ADGRG7: variants seen among roughly 807,000 people sequenced by gnomAD.
ADGRG7 encodes G-protein coupled receptor 128.
In ADGRG7, 82 loss-of-function variants were observed where a neutral mutation model predicts 88.6. The observed-to-expected ratio is 0.93, with a 90% CI of 0.77 to 1.11. ADGRG7 has a LOEUF of 1.11. ADGRG7 is among the 50% of genes most tolerant of loss of function. The pLI, the probability that ADGRG7 is intolerant of heterozygous loss-of-function variation, is 0.00. For synonymous variants in ADGRG7, 381 were observed against 345.2 expected (o/e 1.10, Z -1.15); for missense variants, 945 against 953.4 (o/e 0.99, Z 0.12).
intron 15 of ADGRG7, among the ~76,000 whole-genome samples, chr3:100,681,391 AC>A (rs2094973179): frequency 6.6e-6 from 1 of 151,376 alleles, no homozygotes; most frequent in African/African-American, 2.4e-5. Context: ...GCTCACTGCA[AC>A]CTCCGCTTCC....
intron 13 of ADGRG7, among the ~76,000 whole-genome samples, chr3:100,659,314 C>T (rs1490360552): frequency 6.6e-6 from 1 of 151,252 alleles, no homozygotes; most frequent in Non-Finnish European, 1.5e-5. Context: ...GTGGCGGGTG[C>T]CTGTAGTCCC....
chr3:100,633,746 T>A (rs1707490458), intron 4 of ADGRG7, among the ~76,000 whole-genome samples: 1 of 152,132 alleles, frequency 6.6e-6, no homozygotes, highest in Non-Finnish European at 1.5e-5. Context: ...GGTCTCGAAC[T>A]CCTGACCACA....
At chr3:100,689,304 A>ACACTGATGGG in intron 15 of ADGRG7, among the ~76,000 whole-genome samples, 1 of 152,316 alleles carries the variant, frequency 6.6e-6, no homozygotes, top group African/African-American at 2.4e-5. Context: ...TGAATACAGC[A>ACACTGATGGG]CACTGATGGG....
intron 1 of ADGRG7, among the ~76,000 whole-genome samples, chr3:100,627,761 T>TCCC (rs140119739): frequency 1.4e-3 from 212 of 152,248 alleles, no homozygotes; most frequent in Non-Finnish European, 2.4e-3. Context: ...ATGCATGGTT[T>TCCC]TTCTTGCATT....
At chr3:100,628,239 C>T (rs532386842) in intron 1 of ADGRG7, among the ~76,000 whole-genome samples, 38 of 152,160 alleles carry the variant, frequency 2.5e-4, no homozygotes, top group African/African-American at 9.2e-4. Context: ...TTTTTCATTG[C>T]TGTCCAATGC....
intron 5 of ADGRG7, among the ~76,000 whole-genome samples, chr3:100,636,590 C>T (rs1707545667): frequency 6.6e-6 from 1 of 151,990 alleles, no homozygotes; most frequent in African/African-American, 2.4e-5. Flanking sequence ...TGAATATCAG[C>T]ATGCCCTGAA....
chr3:100,646,227 G>GC, intron 9 of ADGRG7, 119 bp downstream of exon 9: 1 of 320,466 alleles, frequency 3.1e-6, no homozygotes, highest in Non-Finnish European at 6.2e-6. Context: ...CGGGGGGGAG[G>GC]GTTTTCCATG....
At chr3:100,642,936 T>C (rs951210259) in intron 6 of ADGRG7, among the ~76,000 whole-genome samples, 1 of 152,236 alleles carries the variant, frequency 6.6e-6, no homozygotes, top group Non-Finnish European at 1.5e-5. Flanking sequence ...GCCTTGCCAA[T>C]GGTGGGTGGC....
intron 14 of ADGRG7, among the ~76,000 whole-genome samples, chr3:100,664,325 G>A (rs556952085): frequency 3.3e-5 from 5 of 151,986 alleles, no homozygotes; most frequent in Admixed American, 6.6e-5. Context: ...TAACCTAGAC[G>A]CAAAACTGTT....
At chr3:100,678,338 T>C (rs1291219040) in intron 15 of ADGRG7, among the ~76,000 whole-genome samples, 1 of 152,166 alleles carries the variant, frequency 6.6e-6, no homozygotes, top group African/African-American at 2.4e-5. Flanking sequence ...ATCTCTGTGT[T>C]ATCTTGAATT....
chr3:100,618,720 T>C (rs550729205), intron 1 of ADGRG7, among the ~76,000 whole-genome samples: 1 of 152,188 alleles, frequency 6.6e-6, no homozygotes, highest in East Asian at 1.9e-4. Flanking sequence ...TGGTTCCGTA[T>C]GAACTTTAAA....
chr3:100,685,317 G>A (rs1391523186), intron 15 of ADGRG7, among the ~76,000 whole-genome samples: 1 of 152,066 alleles, frequency 6.6e-6, no homozygotes, highest in Admixed American at 6.5e-5. Context: ...TTTATGTTGT[G>A]AAAATAAAGC....
In ADGRG7 at chr3:100,669,074, G is replaced by A. The variant is rs751160198; in HGVS notation, c.2105G>A (p.Ser702Asn). The change falls in exon 15 of 16, where the codon AGC (serine) becomes AAC (asparagine). Residue 702 changes from serine (S) to asparagine (N), a missense_variant. Physicochemically the swap from Ser to Asn is conservative, Grantham distance 46. Transcript: ENST00000273352. ...VNDDSIRIVF[S>N]YIFCLFNTTQ... ...GATGATAGCATCAGGATCGTCTTCA[G>A]CTACATATTCTGCCTTTTCAACACT... 9 of 1,594,806 alleles carry A rather than the reference G, an allele frequency of 5.6e-6. No individual in the cohort carries two copies. The African/African-American group carries it at 9.4e-5, about 17-fold the overall frequency.
chr3:100,689,894 T>C (rs1422253354), intron 15 of ADGRG7, among the ~76,000 whole-genome samples: 2 of 152,208 alleles, frequency 1.3e-5, no homozygotes. Flanking sequence ...TGGCGTTCTC[T>C]GTATTTCCTG....
At chr3:100,627,940 T>C (rs1707402970) in intron 1 of ADGRG7, among the ~76,000 whole-genome samples, 1 of 152,190 alleles carries the variant, frequency 6.6e-6, no homozygotes. Context: ...GTTGATATTG[T>C]CCCACAGATT....
At chr3:100,675,456 G>T (rs2149037659) in intron 15 of ADGRG7, among the ~76,000 whole-genome samples, 1 of 152,292 alleles carries the variant, frequency 6.6e-6, no homozygotes, top group East Asian at 1.9e-4. Context: ...ACTTTGTCAT[G>T]ATGAATGACC....
At chr3:100,645,223 C>G (rs975979962) in intron 8 of ADGRG7, among the ~76,000 whole-genome samples, 20 of 152,266 alleles carry the variant, frequency 1.3e-4, no homozygotes, top group African/African-American at 4.6e-4. Flanking sequence ...TTCTCTTTGA[C>G]TGCTGCCACC....
Position 100,695,044 on chromosome 3 carries a change from T to C in ADGRG7, c.*43T>C. The C allele has an allele frequency of 6.3e-7, 1 of 1,583,774 alleles. No homozygotes were observed. Among genetic ancestry groups the C allele is most frequent in the Non-Finnish European group, 8.6e-7 (1 of 1,162,346 alleles). ...TTGTGGTCTTTTTAATCACCTCGTT[T>C]GAGTTTTATCTGTTTCTCTCCTTTA... On this transcript the variant is annotated 3_prime_UTR_variant, in exon 16 of 16. Transcript: ENST00000273352.
chr3:100,643,564 C>G lies in ADGRG7; in HGVS notation c.877C>G (p.His293Asp), dbSNP rs1023495878. Residue 293 changes from histidine to aspartate, a missense_variant, in exon 8 of 16, where the codon CAT (histidine) becomes GAT (aspartate). His to Asp is a moderately conservative substitution (Grantham distance 81). Coordinates refer to ENST00000273352, the MANE Select transcript of ADGRG7 (RefSeq NM_032787.3). ...SSLVSSSTFIHTNVDGLNPDA... is the reference protein window; with the variant it reads ...SSLVSSSTFIDTNVDGLNPDA... ...TCTAGTTTCTAGTTCAACATTTATA[C>G]ATACAAATGTGGATGGCCTTAACCC... 1 of 1,613,610 alleles carries G rather than the reference C, an allele frequency of 6.2e-7. No individual in the cohort carries two copies. The highest frequency in any genetic ancestry group is 1.7e-5 in the Admixed American group (1 of 60,014).
Sources: gnomAD v4.1 joint callset for allele counts (sites outside exome capture counted in the v4.1 genomes callset) on GRCh38, gnomAD v4.1.1 for gene constraint, MANE v1.5 for transcripts, NCBI Gene and HGNC (gene_info 2026-07-23, HGNC 2026-07-21) for gene names.